Variants in FCER1G observed in about 807,000 individuals in gnomAD.
The protein encoded by FCER1G is Fc epsilon receptor Ig.
In FCER1G, 7 loss-of-function variants were observed where a neutral mutation model predicts 17.3. That is an observed-to-expected ratio of 0.40 (90% CI 0.23 to 0.76). FCER1G has a LOEUF of 0.76. Among genes scored for constraint, FCER1G ranks in the 30% least tolerant of loss-of-function variants. The pLI is 0.35. For synonymous variants in FCER1G, 35 were observed against 38.7 expected, an observed-to-expected ratio of 0.90 and a Z score of 0.35; for missense variants, 87 against 97.7, an observed-to-expected ratio of 0.89 and a Z score of 0.46.
At chr1:161,216,427 T>TAGAGAGAGAGAG (rs543686283) in intron 1 of FCER1G, among the ~76,000 whole-genome samples, 2 of 136,062 alleles carry the variant, frequency 1.5e-5, no homozygotes, top group African/African-American at 2.8e-5. Flanking sequence ...TATATATATA[T>TAGAGAGAGAGAG]AGAGAGAGAG....
rs764345067 is a variant in FCER1G, at chr1:161,218,870, C to G, written c.199-11C>G. 7 of 1,612,674 alleles carry G rather than the reference C, an allele frequency of 4.3e-6. No individual in the cohort carries two copies. The highest frequency in any genetic ancestry group is 8.5e-7 in the Non-Finnish European group (1 of 1,178,848). ...TCCAGCTCCTGATCGCCCTTTGACT[C>G]CCATCTCCAGGGCCTGAGCACCAGG... On this transcript the variant is annotated splice_polypyrimidine_tract_variant and intron_variant, in intron 4 of 4. Transcript: ENST00000289902.
chr1:161,218,866 G>A lies in FCER1G; in HGVS notation c.199-15G>A, dbSNP rs372658412. 2 of 1,612,556 alleles carry A rather than the reference G, an allele frequency of 1.2e-6. No individual in the cohort carries two copies. The highest frequency in any genetic ancestry group is 1.3e-5 in the African/African-American group (1 of 74,830). On this transcript the variant is annotated splice_polypyrimidine_tract_variant and intron_variant, in intron 4 of 4. Coordinates refer to ENST00000289902, the MANE Select transcript of FCER1G (RefSeq NM_004106.2). ...GGACTCCAGCTCCTGATCGCCCTTT[G>A]ACTCCCATCTCCAGGGCCTGAGCAC... is the stretch of plus-strand genomic sequence containing the variant.
chr1:161,215,906 A>AG (rs1666029501), intron 1 of FCER1G, among the ~76,000 whole-genome samples: 1 of 151,790 alleles, frequency 6.6e-6, no homozygotes, highest in Non-Finnish European at 1.5e-5. Context: ...TTATTATTAA[A>AG]AAAAGACAGG....
chr1:161,215,371 G>A lies in FCER1G; in HGVS notation c.49+1G>A. 6.2e-7 allele frequency: 1 copy of A among 1,613,338 alleles called. No individual in the cohort carries two copies. The highest frequency in any genetic ancestry group is 8.5e-7 in the Non-Finnish European group (1 of 1,179,472). On this transcript the variant is annotated splice_donor_variant, in intron 1 of 4. Coordinates refer to ENST00000289902, the MANE Select transcript of FCER1G (RefSeq NM_004106.2). LOFTEE classifies it high-confidence loss of function. The stretch of plus-strand genomic sequence containing the variant: ...TTACTCCTTTTGGTTGAACAAGCAG[G>A]TAAGAGGGTTTGGTGAGGGATAGCG...
intron 4 of FCER1G, 74 bp from the exon 5 acceptor site, chr1:161,218,807 G>A: frequency 6.3e-7 from 1 of 1,576,948 alleles, no homozygotes. Flanking sequence ...GGTGGGGGGA[G>A]GGGGGTCCTG....
chr1:161,219,153 A>G lies in FCER1G; in HGVS notation c.*210A>G. The G allele has an allele frequency of 1.8e-6, 1 of 569,306 alleles. No homozygotes were observed. Among genetic ancestry groups the G allele is most frequent in the Non-Finnish European group, 3.1e-6 (1 of 320,710 alleles). 35.3% of individuals were successfully genotyped at this position (569,306 alleles called of 1,614,324 possible). ...TTACGGATATTTATATTCTAGTCTC[A>G]CTCTCTTGTCCCACCCTTCTTCTCT... On this transcript the variant is annotated 3_prime_UTR_variant, in exon 5 of 5. Coordinates refer to ENST00000289902, the MANE Select transcript of FCER1G (RefSeq NM_004106.2).
In FCER1G at chr1:161,219,047, C is replaced by G; in HGVS notation, c.*104C>G. ...ATGCCATTAACACCAGCTGGCCCTA[C>G]CCCTATAATGATCCTGTGTCCTAAA... On this transcript the variant is annotated 3_prime_UTR_variant, in exon 5 of 5. Coordinates refer to ENST00000289902, the MANE Select transcript of FCER1G (RefSeq NM_004106.2). 1.2e-6 allele frequency: 1 copy of G among 814,788 alleles called. No homozygotes were observed. The highest frequency in any genetic ancestry group is 2.1e-6 in the Non-Finnish European group (1 of 471,376). 50.5% of individuals were successfully genotyped at this position (814,788 alleles called of 1,614,324 possible).
chr1:161,215,448 AAC>A (rs1329135284), intron 1 of FCER1G, 78 bp downstream of exon 1: 1 of 1,285,076 alleles, frequency 7.8e-7, no homozygotes, highest in Non-Finnish European at 1.1e-6. Flanking sequence ...GGCCAAGTCA[AAC>A]ACAGGTGAAG....
In FCER1G at chr1:161,215,590, C is replaced by T. The variant is rs565405455; in HGVS notation, c.49+220C>T. The stretch of plus-strand genomic sequence containing the variant: ...TCTTACTTCATTCCAGACTTTTCTC[C>T]GTATTATTATTATTATTTTGGAGAT... On this transcript the variant is annotated intron_variant, in intron 1 of 4. Coordinates refer to ENST00000289902, the MANE Select transcript of FCER1G (RefSeq NM_004106.2). Among the ~76,000 whole-genome samples, 11 of 152,028 alleles carry T rather than the reference C, an allele frequency of 7.2e-5. No homozygotes were observed. The South Asian group carries it at 1.0e-3, about 14-fold the overall frequency.
intron 1 of FCER1G, among the ~76,000 whole-genome samples, chr1:161,216,405 CACACACATAT>C (rs1349229037): frequency 1.4e-5 from 2 of 142,506 alleles, no homozygotes; most frequent in East Asian, 2.4e-4. Flanking sequence ...CACACACACA[CACACACATAT>C]ATATATATAT....
At chr1:161,218,767 G>A (rs761716383) in intron 4 of FCER1G, 44 bp downstream of exon 4, 58 of 1,611,872 alleles carry the variant, frequency 3.6e-5, no homozygotes, top group Non-Finnish European at 4.8e-5. Flanking sequence ...AGCAGAAGAG[G>A]GTGGGATTTT....
At position 161,218,740 on chromosome 1, in the gene FCER1G, C is replaced by A; in HGVS notation, c.198+17C>A. On this transcript the variant is annotated intron_variant, in intron 4 of 4. Coordinates refer to ENST00000289902, the MANE Select transcript of FCER1G (RefSeq NM_004106.2). ...GTTTACACGGTAAGTGTGCCTACCT[C>A]CCCCACCCAGGAAGTCAGCAGAAGA... 1 of 1,613,402 alleles carries A rather than the reference C, an allele frequency of 6.2e-7. No homozygotes were observed. Among genetic ancestry groups the A allele is most frequent in the Non-Finnish European group, 8.5e-7 (1 of 1,179,400 alleles).
intron 1 of FCER1G, 93 bp from the exon 2 acceptor site, chr1:161,217,893 T>TG (rs1666080749): frequency 1.2e-6 from 1 of 859,126 alleles, no homozygotes; most frequent in Admixed American, 1.8e-5. Flanking sequence ...CTCCAGGCCC[T>TG]GTCCTACCTC....
At chr1:161,216,375 CA>C (rs1666048625) in intron 1 of FCER1G, among the ~76,000 whole-genome samples, 1 of 127,288 alleles carries the variant, frequency 7.9e-6, no homozygotes, top group East Asian at 2.4e-4. Context: ...CACACACACA[CA>C]TACACACACA....
intron 1 of FCER1G, among the ~76,000 whole-genome samples, chr1:161,215,657 ATC>A (rs1319650489): frequency 1.3e-5 from 2 of 151,990 alleles, no homozygotes; most frequent in African/African-American, 4.8e-5. Context: ...CAGTGGCGCA[ATC>A]TCTACTCACT....
Position 161,219,193 on chromosome 1 carries a change from T to G in FCER1G, c.*250T>G, listed in dbSNP as rs1666113701. 1.9e-6 allele frequency: 1 copy of G among 521,520 alleles called. No individual in the cohort carries two copies. The highest frequency in any genetic ancestry group is 3.6e-5 in the Admixed American group (1 of 27,430). 32.3% of individuals were successfully genotyped at this position (521,520 alleles called of 1,614,324 possible). A position where few individuals can be genotyped will look rare whatever the true frequency, so the allele number is the denominator to read the frequency against. Reference sequence around the variant, plus strand: ...CCTTCTTCTCTTCCCCATTCCCAACTCCAGCTAAAATATGGGAAGGGAGAA... The same window carrying G: ...CCTTCTTCTCTTCCCCATTCCCAACGCCAGCTAAAATATGGGAAGGGAGAA... On this transcript the variant is annotated 3_prime_UTR_variant, in exon 5 of 5. Transcript: ENST00000289902.
rs140225182 is a variant in FCER1G, at chr1:161,218,437, G to A, written c.177+161G>A. Among the ~76,000 whole-genome samples, 458 of 152,288 alleles carry A rather than the reference G, an allele frequency of 3.0e-3. 1 individual carries two copies. Among genetic ancestry groups the A allele is most frequent in the African/African-American group, 0.011 (438 of 41,544 alleles). On this transcript the variant is annotated intron_variant, in intron 3 of 4. Coordinates refer to ENST00000289902, the MANE Select transcript of FCER1G (RefSeq NM_004106.2). Reference sequence around the variant, plus strand: ...CCCACCTTACCTAGCCAAGCCACAAGTAAAATATTCAGCAGGTGACAGGGA... The same window carrying A: ...CCCACCTTACCTAGCCAAGCCACAAATAAAATATTCAGCAGGTGACAGGGA...
intron 3 of FCER1G, among the ~76,000 whole-genome samples, 196 bp from the exon 4 acceptor site, chr1:161,218,507 G>A (rs879879990): frequency 6.6e-6 from 1 of 152,198 alleles, no homozygotes; most frequent in Non-Finnish European, 1.5e-5. Flanking sequence ...AGACTTGGAT[G>A]TAGTATGTCG....
intron 3 of FCER1G, 83 bp from the exon 4 acceptor site, chr1:161,218,620 C>G: frequency 6.8e-7 from 1 of 1,473,954 alleles, no homozygotes; most frequent in Non-Finnish European, 9.5e-7. Flanking sequence ...GCCCACCCCC[C>G]ATGCCTCCCT....
Sources: gnomAD v4.1 joint callset for allele counts (sites outside exome capture counted in the v4.1 genomes callset) on GRCh38, gnomAD v4.1.1 for gene constraint, MANE v1.5 for transcripts, NCBI Gene and HGNC (gene_info 2026-07-23, HGNC 2026-07-21) for gene names.